Variants in DENND5B observed in about 807,000 individuals in gnomAD.
The protein encoded by DENND5B is DENN domain containing 5B.
DENND5B carries 34 observed loss-of-function variants against 140.6 expected under a neutral mutation model. The ratio of observed to expected loss-of-function variants is 0.24; its 90% CI spans 0.18 to 0.32. The LOEUF is 0.32. Ranked by LOEUF, DENND5B falls within the 10% of genes least tolerant of loss-of-function variation. DENND5B has a pLI of 1.00. For synonymous variants in DENND5B, 551 were observed against 562.1 expected, an observed-to-expected ratio of 0.98 and a Z score of 0.28; for missense variants, 1,142 against 1,560.2, an observed-to-expected ratio of 0.73 and a Z score of 4.52.
chr12:31,540,069 A>G (rs1329330506), intron 1 of DENND5B, among the ~76,000 whole-genome samples: 1 of 152,208 alleles, frequency 6.6e-6, no homozygotes, highest in Admixed American at 6.5e-5. Flanking sequence ...TAGCATTTCT[A>G]TAGGCCAATA....
At position 31,382,627 on chromosome 12, in the gene DENND5B, A is replaced by C. The variant is rs1412308417; in HGVS notation, c.*4976T>G. ...CAAGATTGGATTCACACACAAGTAC[A>C]TTCAGGTAAATTAGAACAAATATGA... On this transcript the variant is annotated 3_prime_UTR_variant, in exon 21 of 21. Coordinates refer to ENST00000389082, the MANE Select transcript of DENND5B (RefSeq NM_144973.4). 6.6e-6 allele frequency: 1 copy of C among 152,164 alleles called. No individual in the cohort carries two copies. The highest frequency in any genetic ancestry group is 2.1e-4 in the South Asian group (1 of 4,826). 9.4% of individuals were successfully genotyped at this position (152,164 alleles called of 1,614,324 possible).
rs762201532 is a variant in DENND5B at position 31,480,204 on chromosome 12, G to A, written c.289C>T (p.Pro97Ser). 3.7e-6 allele frequency: 6 copies of A among 1,600,586 alleles called. No homozygotes were observed. The South Asian group carries it at 6.8e-5, about 18-fold the overall frequency. Residue 97 changes from proline (P) to serine (S), a missense_variant, in exon 3 of 21, where the codon CCC becomes TCC. By Grantham distance (74) the Pro-to-Ser change is moderately conservative (BLOSUM62 -1). This residue lies in a region of DENND5B where 708 missense variants were observed against 905.5 expected (regional missense o/e 0.78). Coordinates refer to ENST00000389082, the MANE Select transcript of DENND5B (RefSeq NM_144973.4). ...SFRTQTDNKDPQFHSFIITRE... is the reference protein window; with the variant it reads ...SFRTQTDNKDSQFHSFIITRE... ...GTAATTATAAATGAGTGAAACTGGG[G>A]GTCTTTATTGTCCGTTTGTGTCCTG...
At chr12:31,528,129 T>C (rs977073515) in intron 1 of DENND5B, among the ~76,000 whole-genome samples, 1 of 152,254 alleles carries the variant, frequency 6.6e-6, no homozygotes, top group African/African-American at 2.4e-5. Flanking sequence ...ACTTATTCTT[T>C]CACAGTTCTG....
In DENND5B at chr12:31,382,520, A is replaced by G. The variant is rs969425086; in HGVS notation, c.*5083T>C. On this transcript the variant is annotated 3_prime_UTR_variant, in exon 21 of 21. Coordinates refer to ENST00000389082, the MANE Select transcript of DENND5B (RefSeq NM_144973.4). ...TTCAAGTGTAACACAGAGCATTCTAAATGTTTCACACCCTCATTTGATTGA... is the reference window on the plus strand; with the variant it reads ...TTCAAGTGTAACACAGAGCATTCTAGATGTTTCACACCCTCATTTGATTGA... 2.0e-5 allele frequency: 3 copies of G among 152,272 alleles called. No individual in the cohort carries two copies. Among genetic ancestry groups the G allele is most frequent in the Middle Eastern group, 3.4e-3 (1 of 294 alleles). The allele number at this position is 152,272 out of a possible 1,614,324, so 9.4% of individuals were successfully genotyped here. A position where few individuals can be genotyped will look rare whatever the true frequency, so the allele number is the denominator to read the frequency against.
intron 1 of DENND5B, among the ~76,000 whole-genome samples, chr12:31,497,454 A>G (rs1361409986): frequency 6.6e-6 from 1 of 151,972 alleles, no homozygotes; most frequent in Non-Finnish European, 1.5e-5. Context: ...CCAAGCTTCT[A>G]GAGTATGTAA....
chr12:31,478,638 T>A (rs1187662330), intron 3 of DENND5B, among the ~76,000 whole-genome samples: 1 of 152,080 alleles, frequency 6.6e-6, no homozygotes, highest in South Asian at 2.1e-4. Context: ...GATGTCAAGG[T>A]TGCAGTGACC....
intron 1 of DENND5B, among the ~76,000 whole-genome samples, chr12:31,556,446 C>A (rs949087896): frequency 1.3e-5 from 2 of 151,980 alleles, no homozygotes; most frequent in African/African-American, 4.8e-5. Context: ...AGCTGATTCA[C>A]TTGCCTCGGC....
At chr12:31,390,070 T>C (rs1056432710) in intron 19 of DENND5B, among the ~76,000 whole-genome samples, 1 of 152,128 alleles carries the variant, frequency 6.6e-6, no homozygotes, top group Non-Finnish European at 1.5e-5. Flanking sequence ...CTAAGTTAGA[T>C]GAAATAAACT....
intron 2 of DENND5B, among the ~76,000 whole-genome samples, chr12:31,494,089 T>C (rs971295507): frequency 7.9e-5 from 12 of 152,118 alleles, no homozygotes; most frequent in South Asian, 2.1e-4. Flanking sequence ...CTGAAAACTA[T>C]GACCTACTTT....
chr12:31,568,388 A>G (rs889770471), intron 1 of DENND5B, among the ~76,000 whole-genome samples: 4 of 152,166 alleles, frequency 2.6e-5, no homozygotes, highest in African/African-American at 7.2e-5. Flanking sequence ...CTGTATTGGG[A>G]ATGTTTCCCA....
chr12:31,433,030 A>T, intron 8 of DENND5B, 125 bp downstream of exon 8: 2 of 809,244 alleles, frequency 2.5e-6, no homozygotes, highest in Non-Finnish European at 3.9e-6. Flanking sequence ...TTAATATTTT[A>T]AACTATAACT....
At chr12:31,537,516 A>T (rs578205000) in intron 1 of DENND5B, among the ~76,000 whole-genome samples, 12 of 152,168 alleles carry the variant, frequency 7.9e-5, no homozygotes, top group Non-Finnish European at 1.8e-4. Flanking sequence ...CCACCAGAGA[A>T]GATTACCTTC....
rs545644988 is a variant in DENND5B, at chr12:31,451,480, C to T, written c.1629+460G>A. Among the ~76,000 whole-genome samples the T allele has an allele frequency of 1.7e-3, 259 of 152,166 alleles. 1 individual carries two copies. Among genetic ancestry groups the T allele is most frequent in the African/African-American group, 5.9e-3 (246 of 41,528 alleles). On this transcript the variant is annotated intron_variant, in intron 5 of 20. Coordinates refer to ENST00000389082, the MANE Select transcript of DENND5B (RefSeq NM_144973.4). ...CTGGGACTACAGGTGTGCGCCACCA[C>T]GCCCAGCTAATTTTTTGTATTTTTC...
intron 1 of DENND5B, among the ~76,000 whole-genome samples, chr12:31,542,949 C>G (rs1948737310): frequency 6.6e-6 from 1 of 151,982 alleles, no homozygotes; most frequent in Non-Finnish European, 1.5e-5. Flanking sequence ...AGAGCCAGAC[C>G]CTGTCTCAAA....
chr12:31,467,654 T>C (rs751888401), intron 3 of DENND5B, among the ~76,000 whole-genome samples: 1 of 151,974 alleles, frequency 6.6e-6, no homozygotes, highest in Non-Finnish European at 1.5e-5. Context: ...TATGAGTAAA[T>C]TTAAACAAAA....
At chr12:31,541,950 A>G (rs1305240725) in intron 1 of DENND5B, among the ~76,000 whole-genome samples, 1 of 152,210 alleles carries the variant, frequency 6.6e-6, no homozygotes, top group Non-Finnish European at 1.5e-5. Context: ...CCAGACACAG[A>G]AAGACAAACT....
intron 11 of DENND5B, among the ~76,000 whole-genome samples, chr12:31,421,528 T>C (rs1943023450): frequency 6.7e-6 from 1 of 148,218 alleles, no homozygotes; most frequent in South Asian, 2.2e-4. Flanking sequence ...ACTGATGTTT[T>C]AATACATATT....
At chr12:31,581,468 C>T (rs1298591067) in intron 1 of DENND5B, among the ~76,000 whole-genome samples, 1 of 152,034 alleles carries the variant, frequency 6.6e-6, no homozygotes, top group East Asian at 1.9e-4. Flanking sequence ...GCGGGCAGAT[C>T]ACCTGAGGTC....
At chr12:31,543,041 A>T (rs1394451616) in intron 1 of DENND5B, among the ~76,000 whole-genome samples, 3 of 152,138 alleles carry the variant, frequency 2.0e-5, no homozygotes, top group Non-Finnish European at 2.9e-5. Flanking sequence ...TCTACAAAAA[A>T]TACAAAAACT....
Sources: gnomAD v4.1 joint callset for allele counts (sites outside exome capture counted in the v4.1 genomes callset) on GRCh38, gnomAD v4.1.1 for gene constraint, gnomAD v4.1.1 regional missense constraint, MANE v1.5 for transcripts, NCBI Gene and HGNC (gene_info 2026-07-23, HGNC 2026-07-21) for gene names.